TIAL1: variants seen among roughly 807,000 people sequenced by gnomAD.
TIAL1 encodes nucleolysin TIAR.
Under a neutral mutation model 59.7 loss-of-function variants are expected in TIAL1, and 7 were observed. That is an observed-to-expected ratio of 0.12 (90% CI 0.07 to 0.22). The LOEUF (loss-of-function observed/expected upper bound fraction) is 0.22. Ranked by LOEUF, TIAL1 falls within the 10% of genes least tolerant of loss-of-function variation. TIAL1 has a pLI of 1.00. For missense variants in TIAL1, 225 were observed against 462.5 expected (o/e 0.49, Z 4.71); for synonymous variants, 149 against 146.3 (o/e 1.02, Z -0.13).
At chr10:119,577,247 A>C (rs1845047729) in intron 9 of TIAL1, 44 bp from the exon 10 acceptor site, 1 of 1,561,446 alleles carries the variant, frequency 6.4e-7, no homozygotes, top group African/African-American at 1.4e-5. Flanking sequence ...ATTTTTTAAG[A>C]ACCTAACACA....
chr10:119,577,936 A>T, intron 7 of TIAL1, among the ~76,000 whole-genome samples, 200 bp from the exon 8 acceptor site: 1 of 152,098 alleles, frequency 6.6e-6, no homozygotes. Context: ...CTAAAAATAC[A>T]AAAATTAAGG....
chr10:119,582,083 G>A lies in TIAL1; in HGVS notation c.284-74C>T, dbSNP rs1000651334. 1.0e-5 allele frequency: 16 copies of A among 1,592,476 alleles called. No individual in the cohort carries two copies. The African/African-American group carries it at 1.2e-4, about 12-fold the overall frequency. ...AAACCTTTTTAAGGCAACTCTAGAGGAGGAAAAAAAAACCTATTTAAGCTG... is the reference window on the plus strand; with the variant it reads ...AAACCTTTTTAAGGCAACTCTAGAGAAGGAAAAAAAAACCTATTTAAGCTG... On this transcript the variant is annotated intron_variant, in intron 4 of 11. Coordinates refer to ENST00000436547, the MANE Select transcript of TIAL1 (RefSeq NM_003252.4). This position sits in a 1 kb window ranked among gnomAD's most constrained non-coding sequence, Gnocchi z 5.1.
chr10:119,574,823 G>A lies in TIAL1; in HGVS notation c.*842C>T, dbSNP rs1245385382. On this transcript the variant is annotated 3_prime_UTR_variant, in exon 12 of 12. Coordinates refer to ENST00000436547, the MANE Select transcript of TIAL1 (RefSeq NM_003252.4). ...TGTTACTTCAAATAATTACATTGCT[G>A]CTACTTCTATGTTGAAGCATGCTTT... The A allele has an allele frequency of 6.6e-6, 1 of 152,494 alleles. No individual in the cohort carries two copies. Among genetic ancestry groups the A allele is most frequent in the Admixed American group, 6.6e-5 (1 of 15,260 alleles). 9.4% of individuals were successfully genotyped at this position (152,494 alleles called of 1,614,324 possible).
At chr10:119,587,642 A>G (rs1015085182) in intron 2 of TIAL1, among the ~76,000 whole-genome samples, 4 of 152,046 alleles carry the variant, frequency 2.6e-5, no homozygotes, top group African/African-American at 7.2e-5. Flanking sequence ...AAAAAAAAAG[A>G]AAGCTGATCA....
chr10:119,588,344 TTTCTTTC>T (rs755707895), intron 1 of TIAL1, 96 bp from the exon 2 acceptor site: 19 of 656,282 alleles, frequency 2.9e-5, no homozygotes, highest in African/African-American at 3.8e-5. Context: ...TCTTTCTTTC[TTTCTTTC>T]TTTTTTTTTT....
In TIAL1 at chr10:119,576,740, C is replaced by G. The variant is rs1554863283; in HGVS notation, c.872G>C (p.Ser291Thr). 1 of 1,613,396 alleles carries G rather than the reference C, an allele frequency of 6.2e-7. No individual in the cohort carries two copies. Among genetic ancestry groups the G allele is most frequent in the Non-Finnish European group, 8.5e-7 (1 of 1,179,848 alleles). ...CACTTGGCTCCATTGGCCCCATTGA[C>G]TATAGTCAACCTAGGAAAAAGCAAA... is the stretch of plus-strand genomic sequence containing the variant. ...MTKNFQQVDY[S>T]QWGQWSQVYG... Residue 291 changes from serine to threonine, a missense_variant, in exon 11 of 12, where the codon AGT becomes ACT. This residue lies in a region of TIAL1 where 80 missense variants were observed against 158.8 expected (regional missense o/e 0.50). Transcript: ENST00000436547.
At chr10:119,581,881 T>C (rs369482969) in intron 5 of TIAL1, 41 bp downstream of exon 5, 2 of 1,399,110 alleles carry the variant, frequency 1.4e-6, no homozygotes, top group African/African-American at 1.4e-5. Context: ...TATACAATTC[T>C]GCCTATCATG....
At position 119,575,866 on chromosome 10, in the gene TIAL1, G is replaced by A; in HGVS notation, c.1002-75C>T. On this transcript the variant is annotated intron_variant, in intron 11 of 11. Transcript: ENST00000436547. ...ACATATGTATTTACACAAAAATCAAGCAGAGCCTAATCACAGAATAGAAAA... is the reference window on the plus strand; with the variant it reads ...ACATATGTATTTACACAAAAATCAAACAGAGCCTAATCACAGAATAGAAAA... 16 of 1,421,602 alleles carry A rather than the reference G, an allele frequency of 1.1e-5. No homozygotes were observed. In the South Asian group the frequency reaches 2.3e-4, roughly 20 times the overall value. The allele number at this position is 1,421,602 out of a possible 1,614,324, so 88.1% of individuals were successfully genotyped here.
At chr10:119,579,062 T>C in intron 6 of TIAL1, 1 of 533,986 alleles carries the variant, frequency 1.9e-6, no homozygotes. Flanking sequence ...ACCACTTCAA[T>C]AAAATGTAGA....
chr10:119,593,373 C>T, intron 1 of TIAL1: 1 of 673,282 alleles, frequency 1.5e-6, no homozygotes, highest in Non-Finnish European at 1.8e-6. Flanking sequence ...TTAGGCTCAA[C>T]ATCAAAGCAA....
chr10:119,578,900 A>C (rs1845165498), intron 6 of TIAL1, 66 bp from the exon 7 acceptor site: 2 of 1,247,232 alleles, frequency 1.6e-6, no homozygotes, highest in Non-Finnish European at 2.3e-6. Context: ...GTAAGATGAA[A>C]TAAAATATCG....
intron 1 of TIAL1, among the ~76,000 whole-genome samples, chr10:119,591,185 C>T (rs898147020): frequency 2.0e-5 from 3 of 152,046 alleles, no homozygotes; most frequent in African/African-American, 7.2e-5. Flanking sequence ...AGGTGGATCA[C>T]TTGAGGTCAG....
At chr10:119,595,944 T>A (rs1846155496) in intron 1 of TIAL1, among the ~76,000 whole-genome samples, 1 of 151,014 alleles carries the variant, frequency 6.6e-6, no homozygotes, top group African/African-American at 2.4e-5. Context: ...TCCGAGAGCT[T>A]AGCTGGGGAG....
Position 119,596,496 on chromosome 10 carries a change from G to T in TIAL1, c.-31C>A. On this transcript the variant is annotated 5_prime_UTR_variant, in exon 1 of 12. Transcript: ENST00000436547. ...GTGCGACGGAGCGATCCCGGGACAA[G>T]GGGGAGGGCAGGGTTGGGGAGGGGA... 6.5e-7 allele frequency: 1 copy of T among 1,537,956 alleles called. No individual in the cohort carries two copies. The highest frequency in any genetic ancestry group is 8.9e-7 in the Non-Finnish European group (1 of 1,125,394).
At chr10:119,578,950 A>G (rs1845168599) in intron 6 of TIAL1, 116 bp from the exon 7 acceptor site, 1 of 757,306 alleles carries the variant, frequency 1.3e-6, no homozygotes, top group Admixed American at 2.5e-5. Context: ...TGAATTTACT[A>G]AATATCCTAA....
At chr10:119,583,232 G>C (rs1038475639) in intron 2 of TIAL1, among the ~76,000 whole-genome samples, 2 of 152,128 alleles carry the variant, frequency 1.3e-5, no homozygotes, top group Non-Finnish European at 2.9e-5. Context: ...CCAAAGATCA[G>C]AGAAATAACA....
At position 119,582,580 on chromosome 10, in the gene TIAL1, GA is replaced by G; in HGVS notation, c.130-24del. On this transcript the variant is annotated intron_variant, in intron 2 of 11. Coordinates refer to ENST00000436547, the MANE Select transcript of TIAL1 (RefSeq NM_003252.4). This position sits in a 1 kb window ranked among gnomAD's most constrained non-coding sequence, Gnocchi z 5.1. ...ATGCTGCAAAACAGAAAATCCAACA[GA>G]AGAGTTGACCCTTCTGCTATCGGGT... is the stretch of plus-strand genomic sequence containing the variant. 6.2e-7 allele frequency: 1 copy of G among 1,606,514 alleles called. No individual in the cohort carries two copies. Among genetic ancestry groups the G allele is most frequent in the Non-Finnish European group, 8.5e-7 (1 of 1,177,434 alleles).
chr10:119,590,788 G>GAAAGAAAGAA (rs1554867731), intron 1 of TIAL1, among the ~76,000 whole-genome samples: 8 of 146,092 alleles, frequency 5.5e-5, no homozygotes, highest in South Asian at 4.4e-4. Flanking sequence ...AAGAAAGAAA[G>GAAAGAAAGAA]AAAGAAAGAA....
rs1446023630 is a variant in TIAL1 at position 119,590,762 on chromosome 10, G to GAGAAAGAGAGAA, written c.33-2515_33-2514insTTCTCTCTTTCT. ...AAAGAGAGAGAGACAGAGAGAAAGA[G>GAGAAAGAGAGAA]AGAAAGAAAGAAAGAAAGAAAGAAA... On this transcript the variant is annotated intron_variant, in intron 1 of 11. Transcript: ENST00000436547. Among the ~76,000 whole-genome samples the GAGAAAGAGAGAA allele has an allele frequency of 6.2e-3, 783 of 125,370 alleles. 3 individuals carry two copies. The highest frequency in any genetic ancestry group is 0.023 in the Middle Eastern group (6 of 256). The allele number at this position is 125,370 out of a possible 152,430, so 82.2% of individuals were successfully genotyped here. A position where few individuals can be genotyped will look rare whatever the true frequency, so the allele number is the denominator to read the frequency against.
Sources: gnomAD v4.1 joint callset for allele counts (sites outside exome capture counted in the v4.1 genomes callset) on GRCh38, gnomAD v4.1.1 for gene constraint, gnomAD v4.1.1 regional missense constraint, Gnocchi (gnomAD v3.1) non-coding constraint, MANE v1.5 for transcripts, NCBI Gene and HGNC (gene_info 2026-07-23, HGNC 2026-07-21) for gene names.